The following CHCHD3 variants were observed in gnomAD, a reference collection of about 807,000 sequenced individuals.
CHCHD3 encodes coiled-coil-helix-coiled-coil-helix domain containing 3, also known as MICOS complex subunit MIC19.
In CHCHD3, 20 loss-of-function variants were observed where a neutral mutation model predicts 38.2. The ratio of observed to expected loss-of-function variants is 0.52; its 90% CI spans 0.37 to 0.76. CHCHD3 has a LOEUF of 0.76. Among genes scored for constraint, CHCHD3 ranks in the 30% least tolerant of loss-of-function variants. CHCHD3 has a pLI of 0.00. For missense variants in CHCHD3, 245 were observed against 279.2 expected (o/e 0.88, Z 0.87); for synonymous variants, 82 against 100.0 (o/e 0.82, Z 1.07).
intron 5 of CHCHD3, among the ~76,000 whole-genome samples, chr7:132,882,839 A>G (rs187595025): frequency 6.6e-6 from 1 of 152,216 alleles, no homozygotes; most frequent in East Asian, 1.9e-4. Context: ...ACTTTCACTC[A>G]TTTAACATTT....
chr7:132,865,892 A>G (rs1013506464), intron 5 of CHCHD3, among the ~76,000 whole-genome samples: 1 of 152,112 alleles, frequency 6.6e-6, no homozygotes, highest in African/African-American at 2.4e-5. Flanking sequence ...CTGGGTCGTG[A>G]CTGCCCTCAG....
At chr7:132,905,103 TG>T (rs555516490) in intron 4 of CHCHD3, among the ~76,000 whole-genome samples, 103 of 38,044 alleles carry the variant, frequency 2.7e-3, no homozygotes, top group South Asian at 0.019. Context: ...TGTCGTGGGG[TG>T]GGGGGCAGGG....
rs1398947453 is a variant in CHCHD3 at position 132,856,351 on chromosome 7, A to G, written c.454-17882T>C. ...TTAAAGAACAGCATATTCACTCTACACAAAAGAGGTTCTTGTGTGACCCTT... is the reference window on the plus strand; with the variant it reads ...TTAAAGAACAGCATATTCACTCTACGCAAAAGAGGTTCTTGTGTGACCCTT... On this transcript the variant is annotated intron_variant, in intron 5 of 7. Coordinates refer to ENST00000262570, the MANE Select transcript of CHCHD3 (RefSeq NM_017812.4). Among the ~76,000 whole-genome samples the G allele has an allele frequency of 2.0e-5, 3 of 152,244 alleles. No homozygotes were observed. In the East Asian group the frequency reaches 5.8e-4, roughly 29 times the overall value.
At chr7:132,974,555 G>C (rs112601531) in intron 4 of CHCHD3, among the ~76,000 whole-genome samples, 2,847 of 151,850 alleles carry the variant, frequency 0.019, 104 homozygotes, top group African/African-American at 0.065. Flanking sequence ...AGGTTTCAAA[G>C]ACAATAAAAC....
chr7:133,045,713 T>G (rs1356968835), intron 2 of CHCHD3, among the ~76,000 whole-genome samples: 11 of 152,164 alleles, frequency 7.2e-5, no homozygotes, highest in Non-Finnish European at 1.2e-4. Context: ...CCAAATCTCA[T>G]GTCAAATTGT....
intron 4 of CHCHD3, among the ~76,000 whole-genome samples, chr7:132,964,103 G>A (rs1364544836): frequency 6.6e-6 from 1 of 152,112 alleles, no homozygotes; most frequent in Non-Finnish European, 1.5e-5. Flanking sequence ...AAAAGTGACT[G>A]AATTCACTAC....
intron 4 of CHCHD3, among the ~76,000 whole-genome samples, chr7:132,940,356 A>C (rs1048616508): frequency 6.6e-6 from 1 of 152,154 alleles, no homozygotes; most frequent in African/African-American, 2.4e-5. Context: ...CATCCCTGGG[A>C]AATAAGGTGT....
At chr7:132,838,494 G>C (rs1218055615) in intron 5 of CHCHD3, 25 bp from the exon 6 acceptor site, 2 of 1,532,552 alleles carry the variant, frequency 1.3e-6, no homozygotes, top group Non-Finnish European at 1.8e-6. Flanking sequence ...TGATAGCAAA[G>C]GTTTCACTAT....
At chr7:133,049,122 T>C (rs1219183831) in intron 2 of CHCHD3, among the ~76,000 whole-genome samples, 1 of 152,230 alleles carries the variant, frequency 6.6e-6, no homozygotes, top group Non-Finnish European at 1.5e-5. Flanking sequence ...ATTCTCTCTA[T>C]ACAAACATAA....
intron 5 of CHCHD3, among the ~76,000 whole-genome samples, chr7:132,881,265 G>C (rs1178692660): frequency 6.6e-6 from 1 of 152,084 alleles, no homozygotes; most frequent in Admixed American, 6.6e-5. Context: ...AAATACCTGG[G>C]TAGAGGGAGT....
intron 4 of CHCHD3, among the ~76,000 whole-genome samples, chr7:132,967,930 A>C (rs1811518182): frequency 6.6e-6 from 1 of 152,110 alleles, no homozygotes; most frequent in African/African-American, 2.4e-5. Flanking sequence ...GCAAGTTTTC[A>C]GGATACAAGC....
intron 3 of CHCHD3, among the ~76,000 whole-genome samples, chr7:132,975,574 C>G (rs747278147): frequency 1.4e-4 from 22 of 152,078 alleles, no homozygotes; most frequent in Non-Finnish European, 3.1e-4. Flanking sequence ...TTAAAATCTG[C>G]CCACCAAAAA....
At chr7:133,033,028 T>A (rs1350972352) in intron 2 of CHCHD3, among the ~76,000 whole-genome samples, 8 of 152,116 alleles carry the variant, frequency 5.3e-5, no homozygotes, top group Admixed American at 5.2e-4. Flanking sequence ...TATAATGCCC[T>A]AAGTGTAATA....
intron 6 of CHCHD3, among the ~76,000 whole-genome samples, chr7:132,802,521 G>C (rs977210166): frequency 2.0e-5 from 3 of 152,106 alleles, no homozygotes; most frequent in East Asian, 3.9e-4. Flanking sequence ...AAAGAATGAG[G>C]GTCCCCAGTT....
At chr7:132,964,353 C>T (rs991870631) in intron 4 of CHCHD3, among the ~76,000 whole-genome samples, 1 of 152,112 alleles carries the variant, frequency 6.6e-6, no homozygotes, top group Admixed American at 6.5e-5. Context: ...GAGGCCGAGG[C>T]GGGCAGATCA....
intron 5 of CHCHD3, among the ~76,000 whole-genome samples, chr7:132,876,155 A>C (rs950388280): frequency 6.6e-6 from 1 of 152,184 alleles, no homozygotes; most frequent in Admixed American, 6.6e-5. Flanking sequence ...GGTCTGCCTA[A>C]ATGAAGTACA....
At chr7:133,042,400 G>A (rs1813858158) in intron 2 of CHCHD3, among the ~76,000 whole-genome samples, 1 of 152,094 alleles carries the variant, frequency 6.6e-6, no homozygotes, top group Non-Finnish European at 1.5e-5. Flanking sequence ...CACATTCTGA[G>A]ACAGTCTTTT....
chr7:133,008,349 A>C (rs1267880833), intron 3 of CHCHD3, among the ~76,000 whole-genome samples: 1 of 126,520 alleles, frequency 7.9e-6, no homozygotes, highest in African/African-American at 3.0e-5. Flanking sequence ...AGATTAAGCT[A>C]TCGATGGTTT....
chr7:133,039,281 G>A (rs1490666691), intron 2 of CHCHD3, among the ~76,000 whole-genome samples: 2 of 152,264 alleles, frequency 1.3e-5, no homozygotes, highest in Non-Finnish European at 2.9e-5. Context: ...AATGACAAAT[G>A]ACAGGACACG....
Sources: gnomAD v4.1 joint callset for allele counts (sites outside exome capture counted in the v4.1 genomes callset) on GRCh38, gnomAD v4.1.1 for gene constraint, MANE v1.5 for transcripts, NCBI Gene and HGNC (gene_info 2026-07-23, HGNC 2026-07-21) for gene names.